NKAIN2: variants seen among roughly 807,000 people sequenced by gnomAD.
The protein encoded by NKAIN2 is sodium/potassium transporting ATPase interacting 2.
NKAIN2 carries 14 observed loss-of-function variants against 32.6 expected under a neutral mutation model. The ratio of observed to expected loss-of-function variants is 0.43; its 90% CI spans 0.28 to 0.67. The LOEUF (loss-of-function observed/expected upper bound fraction) is 0.67, where lower values mean the gene tolerates loss of function less well. NKAIN2 is among the 30% of genes least tolerant of loss of function. The probability of loss-of-function intolerance (pLI) is 0.17; values close to 1 mark genes in which losing one functional copy is unlikely to be tolerated. For missense variants in NKAIN2, 198 were observed against 258.3 expected, an observed-to-expected ratio of 0.77 and a Z score of 1.60; for synonymous variants, 80 against 87.2, an observed-to-expected ratio of 0.92 and a Z score of 0.46.
chr6:124,083,085 TA>T (rs1784046449), intron 1 of NKAIN2, among the ~76,000 whole-genome samples: 2 of 151,432 alleles, frequency 1.3e-5, no homozygotes, highest in African/African-American at 4.9e-5. Context: ...TATGCCTTTT[TA>T]TGAGACTTTA....
At chr6:123,831,799 G>GTGCC (rs1774394619) in intron 1 of NKAIN2, among the ~76,000 whole-genome samples, 1 of 152,002 alleles carries the variant, frequency 6.6e-6, no homozygotes, top group African/African-American at 2.4e-5. Context: ...GGGACTACAG[G>GTGCC]TGCCTGCTAC....
chr6:124,183,149 GCAAT>G (rs1204307106), intron 1 of NKAIN2, among the ~76,000 whole-genome samples: 1 of 152,066 alleles, frequency 6.6e-6, no homozygotes, highest in African/African-American at 2.4e-5. Flanking sequence ...TTGGGGTTAA[GCAAT>G]CAGAGACCCC....
At chr6:124,398,206 T>G (rs1773472827) in intron 3 of NKAIN2, among the ~76,000 whole-genome samples, 2 of 126,900 alleles carry the variant, frequency 1.6e-5, no homozygotes, top group African/African-American at 3.1e-5. Flanking sequence ...TGAGCCGAGA[T>G]CGCGCCACTG....
intron 1 of NKAIN2, among the ~76,000 whole-genome samples, chr6:123,918,215 T>C (rs1775586095): frequency 6.6e-6 from 1 of 152,148 alleles, no homozygotes; most frequent in Non-Finnish European, 1.5e-5. Flanking sequence ...ATATTACAAA[T>C]AGGGGTATGT....
chr6:124,039,200 C>T (rs1282460702), intron 1 of NKAIN2, among the ~76,000 whole-genome samples: 5 of 151,662 alleles, frequency 3.3e-5, no homozygotes, highest in Non-Finnish European at 7.4e-5. Flanking sequence ...GAAGAAATAC[C>T]AACTCTGAGA....
At chr6:124,606,681 A>G (rs1403879819) in intron 3 of NKAIN2, among the ~76,000 whole-genome samples, 1 of 152,150 alleles carries the variant, frequency 6.6e-6, no homozygotes, top group African/African-American at 2.4e-5. Context: ...TACTTTATTG[A>G]TGAAATCACT....
Position 124,730,136 on chromosome 6 carries a change from A to G in NKAIN2, c.475-61203A>G, listed in dbSNP as rs1313115855. On this transcript the variant is annotated intron_variant, in intron 4 of 6. Transcript: ENST00000368417. ...TATCGTGAAAATGGCCATACTTCCC[A>G]AGGTAATTTACAGATTCAATGCCAT... 2.3e-4 allele frequency among the ~76,000 whole-genome samples: 21 copies of G among 91,944 alleles called. 7 individuals carry two copies. Among genetic ancestry groups the G allele is most frequent in the African/African-American group, 8.9e-4 (21 of 23,532 alleles). The allele number at this position is 91,944 out of a possible 152,430, so 60.3% of individuals were successfully genotyped here. A position where few individuals can be genotyped will look rare whatever the true frequency, so the allele number is the denominator to read the frequency against.
intron 1 of NKAIN2, among the ~76,000 whole-genome samples, chr6:124,022,343 C>T (rs1780905431): frequency 1.3e-5 from 2 of 152,014 alleles, no homozygotes; most frequent in South Asian, 2.1e-4. Flanking sequence ...TGAATAATGC[C>T]ACAATAAACA....
intron 2 of NKAIN2, among the ~76,000 whole-genome samples, chr6:124,289,423 C>T (rs1028570): frequency 0.29 from 44,491 of 151,666 alleles, 9,011 homozygotes; most frequent in African/African-American, 0.58. Flanking sequence ...GGTAAAGGAT[C>T]CCCATGGCAT....
At chr6:124,593,235 G>T (rs1179469129) in intron 3 of NKAIN2, among the ~76,000 whole-genome samples, 1 of 150,736 alleles carries the variant, frequency 6.6e-6, no homozygotes, top group Non-Finnish European at 1.5e-5. Context: ...GTTTGTGTGC[G>T]TGTGCACCTC....
At chr6:124,626,265 A>C (rs1043998770) in intron 3 of NKAIN2, among the ~76,000 whole-genome samples, 10 of 151,988 alleles carry the variant, frequency 6.6e-5, no homozygotes, top group African/African-American at 2.4e-4. Context: ...ATCAAAGGTG[A>C]GGGGCCAGAT....
intron 4 of NKAIN2, among the ~76,000 whole-genome samples, chr6:124,768,962 A>G (rs1196888030): frequency 6.6e-6 from 1 of 152,124 alleles, no homozygotes; most frequent in Non-Finnish European, 1.5e-5. Flanking sequence ...CCCTCAGAAA[A>G]TACTTTATTC....
intron 4 of NKAIN2, among the ~76,000 whole-genome samples, chr6:124,785,836 TG>T (rs1261067999): frequency 1.3e-5 from 2 of 152,144 alleles, no homozygotes. Context: ...AAGCTTCCAC[TG>T]ACATCACCCC....
chr6:124,162,071 T>C (rs1025501651), intron 1 of NKAIN2, among the ~76,000 whole-genome samples: 11 of 152,310 alleles, frequency 7.2e-5, no homozygotes, highest in Middle Eastern at 3.4e-3. Flanking sequence ...TTTTCTTTTA[T>C]TTCTGGGGAA....
intron 3 of NKAIN2, among the ~76,000 whole-genome samples, chr6:124,656,235 A>T (rs1476563051): frequency 6.6e-6 from 1 of 152,192 alleles, no homozygotes; most frequent in African/African-American, 2.4e-5. Context: ...TTTTGTGGTT[A>T]CTTCCAGATA....
At chr6:124,436,868 A>G (rs1246568136) in intron 3 of NKAIN2, among the ~76,000 whole-genome samples, 1 of 152,148 alleles carries the variant, frequency 6.6e-6, no homozygotes, top group Non-Finnish European at 1.5e-5. Flanking sequence ...TTCTGCTAGT[A>G]AAAGTCTGCA....
intron 1 of NKAIN2, among the ~76,000 whole-genome samples, chr6:123,865,639 TA>T (rs1366408054): frequency 6.6e-6 from 1 of 152,208 alleles, no homozygotes; most frequent in Non-Finnish European, 1.5e-5. Context: ...AAAAATAACA[TA>T]TCAATATTCT....
chr6:124,642,255 C>T (rs916328114), intron 3 of NKAIN2, among the ~76,000 whole-genome samples: 1 of 152,162 alleles, frequency 6.6e-6, no homozygotes, highest in Admixed American at 6.5e-5. Flanking sequence ...GTTATCTTCT[C>T]AAAACCATAC....
intron 1 of NKAIN2, among the ~76,000 whole-genome samples, chr6:124,218,297 AT>A: frequency 6.6e-6 from 1 of 152,184 alleles, no homozygotes; most frequent in South Asian, 2.1e-4. Context: ...TTTAATGAAA[AT>A]AAAAAATAAA....
Sources: allele counts gnomAD v4.1 joint callset (sites outside exome capture counted in the v4.1 genomes callset), GRCh38; gene constraint gnomAD v4.1.1; transcripts MANE v1.5; gene names NCBI Gene and HGNC (gene_info 2026-07-23, HGNC 2026-07-21).